Variants in MGRN1 observed in about 807,000 individuals in gnomAD.
MGRN1 encodes mahogunin ring finger 1.
In MGRN1, 29 loss-of-function variants were observed where a neutral mutation model predicts 69.2. That is an observed-to-expected ratio of 0.42 (90% CI 0.31 to 0.57). MGRN1 has a LOEUF of 0.57. MGRN1 is among the 20% of genes least tolerant of loss of function. The pLI, the probability that MGRN1 is intolerant of heterozygous loss-of-function variation, is 0.15. For synonymous variants in MGRN1, 470 were observed against 344.2 expected (o/e 1.37, Z -4.04); for missense variants, 998 against 796.2 (o/e 1.25, Z -3.05).
intron 5 of MGRN1, among the ~76,000 whole-genome samples, chr16:4,661,896 C>G (rs2141914008): frequency 6.6e-6 from 1 of 152,324 alleles, no homozygotes; most frequent in Admixed American, 6.5e-5. Flanking sequence ...GCCATTCATT[C>G]TGGTCTGAAT....
chr16:4,672,929 C>G (rs1024737894), intron 9 of MGRN1, among the ~76,000 whole-genome samples: 1 of 152,232 alleles, frequency 6.6e-6, no homozygotes, highest in African/African-American at 2.4e-5. Flanking sequence ...AGCTCCGCCT[C>G]CTGGGTTCAC....
chr16:4,626,382 G>A (rs774019880), intron 1 of MGRN1, among the ~76,000 whole-genome samples: 2 of 152,204 alleles, frequency 1.3e-5, no homozygotes, highest in Admixed American at 1.3e-4. Flanking sequence ...GGAGCAGTTT[G>A]CTGTTGTCCT....
chr16:4,638,850 G>A (rs1167963703), intron 1 of MGRN1, among the ~76,000 whole-genome samples: 1 of 152,208 alleles, frequency 6.6e-6, no homozygotes, highest in East Asian at 1.9e-4. Context: ...CCTCGGGTGG[G>A]AACGATGGCT....
At chr16:4,675,479 C>G (rs1219078311) in intron 10 of MGRN1, among the ~76,000 whole-genome samples, 1 of 151,982 alleles carries the variant, frequency 6.6e-6, no homozygotes, top group Non-Finnish European at 1.5e-5. Context: ...CAGATCACAC[C>G]TATAATCCCA....
At chr16:4,638,345 A>G (rs146031789) in intron 1 of MGRN1, among the ~76,000 whole-genome samples, 1 of 152,034 alleles carries the variant, frequency 6.6e-6, no homozygotes, top group Non-Finnish European at 1.5e-5. Flanking sequence ...GGTGCCTGTA[A>G]TCTCAGCTAT....
chr16:4,662,193 A>G (rs1173407836), intron 5 of MGRN1, among the ~76,000 whole-genome samples: 1 of 152,274 alleles, frequency 6.6e-6, no homozygotes, highest in South Asian at 2.1e-4. Context: ...AATGTTAGGA[A>G]GAAACATTTC....
Position 4,689,025 on chromosome 16 carries a change from T to TC in MGRN1, c.*119dup. 1 of 1,350,754 alleles carries TC rather than the reference T, an allele frequency of 7.4e-7. No homozygotes were observed. Among genetic ancestry groups the TC allele is most frequent in the Non-Finnish European group, 9.8e-7 (1 of 1,021,466 alleles). 83.7% of individuals were successfully genotyped at this position (1,350,754 alleles called of 1,614,324 possible). The stretch of plus-strand genomic sequence containing the variant: ...TGCATGCCCCCTGTGGCCACCAGGC[T>TC]CCGAGGGGCCGTGGTGACTCTTGAT... On this transcript the variant is annotated 3_prime_UTR_variant, in exon 17 of 17. Transcript: ENST00000262370.
intron 5 of MGRN1, among the ~76,000 whole-genome samples, chr16:4,661,033 G>A (rs995829184): frequency 6.6e-6 from 1 of 152,286 alleles, no homozygotes; most frequent in East Asian, 1.9e-4. Context: ...CCAGGCTGGA[G>A]TGCAGTGGCA....
intron 11 of MGRN1, 61 bp downstream of exon 11, chr16:4,677,633 C>T (rs1056225282): frequency 5.3e-6 from 8 of 1,504,372 alleles, no homozygotes; most frequent in South Asian, 2.3e-5. Flanking sequence ...CTGGGCCAGG[C>T]GCAAGGCCCA....
rs757490342 is a variant in MGRN1 at position 4,682,960 on chromosome 16, G to A, written c.1482+14G>A. The A allele has an allele frequency of 1.3e-5, 20 of 1,542,610 alleles. No individual in the cohort carries two copies. The highest frequency in any genetic ancestry group is 1.1e-4 in the African/African-American group (8 of 72,372). On this transcript the variant is annotated intron_variant, in intron 14 of 16. Transcript: ENST00000262370. ...AGCTCCCCTGAGGTGAGGCCCCCCCGGGGAAGCTTTGCGCACCCGCCCGGG... is the reference window on the plus strand; with the variant it reads ...AGCTCCCCTGAGGTGAGGCCCCCCCAGGGAAGCTTTGCGCACCCGCCCGGG...
chr16:4,650,570 C>A, intron 2 of MGRN1, 87 bp downstream of exon 2: 2 of 1,088,166 alleles, frequency 1.8e-6, no homozygotes, highest in South Asian at 1.5e-5. Context: ...TGAGGGCAAG[C>A]AGGCACCAAA....
chr16:4,664,480 G>T (rs2078753681), intron 5 of MGRN1: 2 of 588,364 alleles, frequency 3.4e-6, no homozygotes, highest in Admixed American at 3.1e-5. Flanking sequence ...ACTCAACGCT[G>T]TTGAAACGTA....
At chr16:4,639,466 TCAC>T (rs2141844784) in intron 1 of MGRN1, among the ~76,000 whole-genome samples, 1 of 152,212 alleles carries the variant, frequency 6.6e-6, no homozygotes, top group Admixed American at 6.5e-5. Flanking sequence ...GCAGCAACCT[TCAC>T]CATTGGGCAT....
At chr16:4,669,611 T>G (rs2078895032) in intron 8 of MGRN1, among the ~76,000 whole-genome samples, 1 of 152,108 alleles carries the variant, frequency 6.6e-6, no homozygotes, top group African/African-American at 2.4e-5. Context: ...AACATAGTGT[T>G]AAGTAAATAT....
chr16:4,672,697 T>TA (rs1162050482), intron 9 of MGRN1, among the ~76,000 whole-genome samples: 1 of 152,256 alleles, frequency 6.6e-6, no homozygotes, highest in Non-Finnish European at 1.5e-5. Flanking sequence ...AGTAAGATTT[T>TA]ATTTATAGAA....
At chr16:4,683,004 C>T in intron 14 of MGRN1, 58 bp downstream of exon 14, 1 of 1,494,902 alleles carries the variant, frequency 6.7e-7, no homozygotes, top group Non-Finnish European at 8.9e-7. Flanking sequence ...CCTCCAGCTT[C>T]TGTCGCTGGA....
At chr16:4,686,840 T>C (rs945988116) in intron 16 of MGRN1, 217 of 985,944 alleles carry the variant, frequency 2.2e-4, no homozygotes, top group Middle Eastern at 5.2e-4. Flanking sequence ...GTCGTGGCTT[T>C]AACAATTCAT....
intron 10 of MGRN1, among the ~76,000 whole-genome samples, chr16:4,674,781 C>G (rs996722952): frequency 6.7e-6 from 1 of 150,008 alleles, no homozygotes; most frequent in Admixed American, 6.6e-5. Context: ...GCTGGGATTA[C>G]AGGCGCCCGC....
intron 16 of MGRN1, chr16:4,687,042 G>A (rs1351447828): frequency 4.1e-6 from 4 of 985,512 alleles, no homozygotes; most frequent in Non-Finnish European, 4.8e-6. Context: ...TGTCAGCATG[G>A]CCACCGTGGG....
Sources: allele counts gnomAD v4.1 joint callset (sites outside exome capture counted in the v4.1 genomes callset), GRCh38; gene constraint gnomAD v4.1.1; transcripts MANE v1.5; gene names NCBI Gene and HGNC (gene_info 2026-07-23, HGNC 2026-07-21).